The following TRPC6 variants were observed in gnomAD, a reference collection of about 807,000 sequenced individuals.
TRPC6 encodes the protein transient receptor potential cation channel subfamily C member 6.
In TRPC6, 55 loss-of-function variants were observed where a neutral mutation model predicts 90.7. The observed-to-expected ratio is 0.61, with a 90% CI of 0.49 to 0.76. TRPC6 has a LOEUF of 0.76. TRPC6 is among the 30% of genes least tolerant of loss of function. The probability of loss-of-function intolerance (pLI) is 0.00; values close to 1 mark genes in which losing one functional copy is unlikely to be tolerated. For synonymous variants in TRPC6, 393 were observed against 393.0 expected (o/e 1.00, Z 0.00); for missense variants, 989 against 1,122.7 (o/e 0.88, Z 1.70).
chr11:101,565,800 A>G (rs1228586110), intron 1 of TRPC6, among the ~76,000 whole-genome samples: 2 of 152,060 alleles, frequency 1.3e-5, no homozygotes, highest in East Asian at 3.9e-4. Context: ...TTAATCTCAT[A>G]TGTTTGTTCT....
chr11:101,453,361 G>A (rs1456937927), intron 12 of TRPC6, among the ~76,000 whole-genome samples: 5 of 152,120 alleles, frequency 3.3e-5, no homozygotes, highest in Non-Finnish European at 1.5e-5. Context: ...AATGATTCAG[G>A]GGTTGAGGCA....
intron 10 of TRPC6, among the ~76,000 whole-genome samples, chr11:101,459,970 T>C (rs1308583695): frequency 1.3e-5 from 2 of 152,188 alleles, no homozygotes; most frequent in Non-Finnish European, 2.9e-5. Flanking sequence ...GTTTTATAGA[T>C]GAGGAAACTA....
intron 1 of TRPC6, among the ~76,000 whole-genome samples, chr11:101,543,621 C>T (rs1440488946): frequency 6.6e-6 from 1 of 152,050 alleles, no homozygotes; most frequent in African/African-American, 2.4e-5. Flanking sequence ...CTGACAAAAA[C>T]AAGAAATGGG....
At chr11:101,467,457 T>TTTAATATTCAAAA (rs1320281803) in intron 10 of TRPC6, among the ~76,000 whole-genome samples, 4 of 152,234 alleles carry the variant, frequency 2.6e-5, no homozygotes, top group Non-Finnish European at 5.9e-5. Flanking sequence ...TATTAAGTAA[T>TTTAATATTCAAAA]TTAATATTCA....
At chr11:101,553,914 C>A (rs1861504846) in intron 1 of TRPC6, among the ~76,000 whole-genome samples, 1 of 151,988 alleles carries the variant, frequency 6.6e-6, no homozygotes. Context: ...TAAGTCCCTG[C>A]TCTATACTAG....
chr11:101,548,250 C>CATAT (rs1491446189), intron 1 of TRPC6, among the ~76,000 whole-genome samples: 5 of 56,142 alleles, frequency 8.9e-5, no homozygotes, highest in African/African-American at 4.2e-4. Flanking sequence ...AGAACTAGAT[C>CATAT]ATATATATAT....
At chr11:101,473,341 T>C (rs150728141) in intron 7 of TRPC6, among the ~76,000 whole-genome samples, 168 bp downstream of exon 7, 307 of 152,280 alleles carry the variant, frequency 2.0e-3, no homozygotes, top group African/African-American at 7.2e-3. Context: ...AAGCTTCCTA[T>C]ATTTTAGAGT....
At chr11:101,499,808 G>T (rs142857713) in intron 2 of TRPC6, among the ~76,000 whole-genome samples, 1 of 33,290 alleles carries the variant, frequency 3.0e-5, no homozygotes, top group Non-Finnish European at 5.9e-5. Flanking sequence ...TATATACACA[G>T]TATAAAATGT....
In TRPC6 at chr11:101,489,000, G is replaced by T. The variant is rs1198598372; in HGVS notation, c.1230C>A (p.Val410=). The change falls in exon 4 of 13, where the codon GTC becomes GTA. Residue 410 remains valine (V), a synonymous_variant. Transcript: ENST00000344327. ...AGGGCAGTCCAATGGCAACAGCAAG[G>T]ACCACAAGGAACTTGACCGCCATTG... ...QQTMAVKFLV[V]LAVAIGLPFL... The T allele has an allele frequency of 8.1e-6, 13 of 1,614,020 alleles. No individual in the cohort carries two copies. Among genetic ancestry groups the T allele is most frequent in the African/African-American group, 1.3e-5 (1 of 74,930 alleles).
At chr11:101,502,383 AT>A (rs1860150793) in intron 2 of TRPC6, among the ~76,000 whole-genome samples, 1 of 152,138 alleles carries the variant, frequency 6.6e-6, no homozygotes, top group Non-Finnish European at 1.5e-5. Flanking sequence ...TTGTCTTTGT[AT>A]TTTGTACTAC....
In TRPC6 at chr11:101,540,871, C is replaced by T. The variant is rs189921146; in HGVS notation, c.171-36073G>A. On this transcript the variant is annotated intron_variant, in intron 1 of 12. Transcript: ENST00000344327. ...TATCTGTGGAGAGGAGATAAAGGCA[C>T]GCAGGAATCGTGAGGATTAAATATA... Among the ~76,000 whole-genome samples the T allele has an allele frequency of 2.1e-3, 315 of 152,068 alleles. 1 individual carries two copies. Among genetic ancestry groups the T allele is most frequent in the African/African-American group, 3.1e-3 (130 of 41,480 alleles).
chr11:101,466,903 A>G (rs1292045753), intron 10 of TRPC6, among the ~76,000 whole-genome samples: 1 of 152,220 alleles, frequency 6.6e-6, no homozygotes, highest in Non-Finnish European at 1.5e-5. Context: ...GACCATGGGA[A>G]AAGCACAGTA....
intron 1 of TRPC6, among the ~76,000 whole-genome samples, chr11:101,548,370 TTATAA>T (rs1479233335): frequency 6.7e-5 from 8 of 118,906 alleles, no homozygotes; most frequent in South Asian, 3.8e-4. Flanking sequence ...TATCTTATAA[TTATAA>T]TATATAAATA....
At chr11:101,498,755 T>C (rs549104796) in intron 2 of TRPC6, among the ~76,000 whole-genome samples, 41 of 152,212 alleles carry the variant, frequency 2.7e-4, no homozygotes, top group Admixed American at 5.9e-4. Context: ...ATATGGATAA[T>C]TTTTAGGGAA....
chr11:101,473,966 T>C (rs1348909176), intron 6 of TRPC6, among the ~76,000 whole-genome samples, 193 bp from the exon 7 acceptor site: 1 of 152,172 alleles, frequency 6.6e-6, no homozygotes, highest in Non-Finnish European at 1.5e-5. Context: ...CTCTCCTGGT[T>C]TACTAGCAAT....
At chr11:101,516,746 A>G (rs1860532022) in intron 1 of TRPC6, among the ~76,000 whole-genome samples, 1 of 152,208 alleles carries the variant, frequency 6.6e-6, no homozygotes, top group African/African-American at 2.4e-5. Context: ...GGTGACCATG[A>G]ATTTCATCCT....
intron 9 of TRPC6, 128 bp from the exon 10 acceptor site, chr11:101,469,629 T>G: frequency 1.7e-6 from 1 of 595,938 alleles, no homozygotes; most frequent in South Asian, 1.9e-5. Context: ...CTTACGGGGT[T>G]CTTCCCTTTG....
intron 1 of TRPC6, among the ~76,000 whole-genome samples, chr11:101,508,961 G>A (rs1400547924): frequency 6.6e-6 from 1 of 151,922 alleles, no homozygotes; most frequent in Non-Finnish European, 1.5e-5. Flanking sequence ...AGCATTTTAG[G>A]TTGGATTTAA....
In TRPC6 at chr11:101,458,387, C is replaced by A. The variant is rs375120860; in HGVS notation, c.2485-3286G>T. ...GCATTATAACCTCCTAAGCTCTACC[C>A]TACATGGTTTAAAAACCTGCCCTAA... is the stretch of plus-strand genomic sequence containing the variant. On this transcript the variant is annotated intron_variant, in intron 10 of 12. Transcript: ENST00000344327. Among the ~76,000 whole-genome samples the A allele has an allele frequency of 1.6e-4, 25 of 152,262 alleles. 1 individual carries two copies. The East Asian group carries it at 4.4e-3, about 27-fold the overall frequency.
Sources: allele counts gnomAD v4.1 joint callset (sites outside exome capture counted in the v4.1 genomes callset), GRCh38; gene constraint gnomAD v4.1.1; transcripts MANE v1.5; gene names NCBI Gene and HGNC (gene_info 2026-07-23, HGNC 2026-07-21).